PCDHGA5: variants seen among roughly 807,000 people sequenced by gnomAD.
PCDHGA5 encodes protocadherin gamma-A5.
Under a neutral mutation model 56.7 loss-of-function variants are expected in PCDHGA5, and 36 were observed. The ratio of observed to expected loss-of-function variants is 0.64; its 90% confidence interval spans 0.49 to 0.84. PCDHGA5 has a LOEUF of 0.84. Ranked by LOEUF, PCDHGA5 falls within the 40% of genes least tolerant of loss-of-function variation. The pLI, the probability that PCDHGA5 is intolerant of heterozygous loss-of-function variation, is 0.00. For missense variants in PCDHGA5, 1,305 were observed against 1,201.5 expected, an observed-to-expected ratio of 1.09 and a Z score of -1.27; for synonymous variants, 563 against 520.2, an observed-to-expected ratio of 1.08 and a Z score of -1.12.
In PCDHGA5 at chr5:141,476,065, G is replaced by T; in HGVS notation, c.2422-18742G>T. ...GCTAACCCGCTGAAAGTTTCTCAGC[G>T]AAATCTCAGGGACGATCTGGACCCC... is the stretch of plus-strand genomic sequence containing the variant. On this transcript the variant is annotated intron_variant, in intron 1 of 3. Coordinates refer to ENST00000518069, the MANE Select transcript of PCDHGA5 (RefSeq NM_018918.3). This position sits in a 1 kb window ranked among gnomAD's most constrained non-coding sequence, Gnocchi z 7.6. 6.6e-7 allele frequency: 1 copy of T among 1,511,444 alleles called. No homozygotes were observed. The highest frequency in any genetic ancestry group is 1.3e-5 in the South Asian group (1 of 76,164). The allele number at this position is 1,511,444 out of a possible 1,614,324, so 93.6% of individuals were successfully genotyped here.
chr5:141,395,177 T>A (rs1325466781), intron 1 of PCDHGA5: 1 of 1,614,120 alleles, frequency 6.2e-7, no homozygotes, highest in Non-Finnish European at 8.5e-7. Context: ...GTGAGAAAAA[T>A]GATTCTTTGT....
At chr5:141,389,394 T>C (rs753490190) in intron 1 of PCDHGA5, 2 of 1,613,672 alleles carry the variant, frequency 1.2e-6, no homozygotes, top group South Asian at 2.2e-5. Flanking sequence ...ATCCTACGTG[T>C]CCATAAGCGC....
chr5:141,478,878 T>C (rs946127535), intron 1 of PCDHGA5: 8 of 1,250,076 alleles, frequency 6.4e-6, no homozygotes, highest in Non-Finnish European at 8.6e-6. Context: ...GAGTTTAGCT[T>C]GGTATCATTT....
At chr5:141,445,342 T>C (rs1026595756) in intron 1 of PCDHGA5, among the ~76,000 whole-genome samples, 4 of 152,202 alleles carry the variant, frequency 2.6e-5, no homozygotes, top group African/African-American at 9.6e-5. Flanking sequence ...ACAGTAAACA[T>C]TGGTGTCTGC....
At chr5:141,376,522 G>T in intron 1 of PCDHGA5, 1 of 1,613,784 alleles carries the variant, frequency 6.2e-7, no homozygotes, top group Non-Finnish European at 8.5e-7. Context: ...GTTTCTTTCC[G>T]CCTAAGCGGG....
chr5:141,392,713 G>A, intron 1 of PCDHGA5: 3 of 1,363,444 alleles, frequency 2.2e-6, no homozygotes, highest in Non-Finnish European at 2.9e-6. Context: ...AGGCACTCCA[G>A]GTTTCCGGAG....
In PCDHGA5 at chr5:141,418,027, T is replaced by C. The variant is rs536104184; in HGVS notation, c.2421+51276T>C. On this transcript the variant is annotated intron_variant, in intron 1 of 3. Coordinates refer to ENST00000518069, the MANE Select transcript of PCDHGA5 (RefSeq NM_018918.3). ...GGAACCTCGCTAAGGATCTAGGGCT[T>C]AGTGTCCTGGATGTGTCGGCTCGCG... is the stretch of plus-strand genomic sequence containing the variant. 144 of 1,613,732 alleles carry C rather than the reference T, an allele frequency of 8.9e-5. No homozygotes were observed. The East Asian group carries it at 1.2e-3, about 14-fold the overall frequency.
chr5:141,494,929 GGA>G, intron 2 of PCDHGA5, 64 bp downstream of exon 2: 1 of 1,613,142 alleles, frequency 6.2e-7, no homozygotes, highest in Non-Finnish European at 8.5e-7. Flanking sequence ...TGACGTGGGA[GGA>G]GATGGGGGAG....
At chr5:141,417,932 T>A (rs1398348549) in intron 1 of PCDHGA5, 2 of 1,611,670 alleles carry the variant, frequency 1.2e-6, no homozygotes, top group East Asian at 4.5e-5. Flanking sequence ...GCTGCCTTTG[T>A]TCTACCCCAC....
chr5:141,427,087 A>T, intron 1 of PCDHGA5: 1 of 458,198 alleles, frequency 2.2e-6, no homozygotes, highest in Non-Finnish European at 4.4e-6. Flanking sequence ...ACTGACCAGG[A>T]TGAGGGTGTC....
At chr5:141,496,637 C>T (rs907246032) in intron 2 of PCDHGA5, among the ~76,000 whole-genome samples, 6 of 152,214 alleles carry the variant, frequency 3.9e-5, no homozygotes, top group Non-Finnish European at 7.3e-5. Context: ...GCTTGGGCTG[C>T]CCTTGCCCTT....
intron 1 of PCDHGA5, chr5:141,419,070 T>G: frequency 6.2e-7 from 1 of 1,613,926 alleles, no homozygotes; most frequent in Non-Finnish European, 8.5e-7. Context: ...TACTACAAGC[T>G]AGTAACAGAT....
intron 1 of PCDHGA5, among the ~76,000 whole-genome samples, chr5:141,406,837 CA>C (rs1174898109): frequency 6.6e-6 from 1 of 152,170 alleles, no homozygotes; most frequent in Non-Finnish European, 1.5e-5. Flanking sequence ...ACTTGCATAT[CA>C]GATATAATTT....
intron 1 of PCDHGA5, chr5:141,408,275 T>C: frequency 1.2e-6 from 2 of 1,611,874 alleles, no homozygotes; most frequent in Non-Finnish European, 1.7e-6. Flanking sequence ...GCTGCCTTTG[T>C]TCTACCCCAC....
chr5:141,418,670 G>T (rs767728571), intron 1 of PCDHGA5: 2 of 1,614,042 alleles, frequency 1.2e-6, no homozygotes, highest in Non-Finnish European at 1.7e-6. Context: ...TGACCAGGAC[G>T]AGGGCATCAA....
rs2099612736 is a variant in PCDHGA5 at position 141,485,393 on chromosome 5, C to T, written c.2422-9414C>T. The T allele has an allele frequency of 6.2e-7, 1 of 1,614,154 alleles. No homozygotes were observed. The highest frequency in any genetic ancestry group is 1.7e-5 in the Admixed American group (1 of 60,020). ...GGTCGCTGGAGAGGTGAACCAAAGA[C>T]ACTTCCGTGTGGATTTGGACAGCGG... On this transcript the variant is annotated intron_variant, in intron 1 of 3. Coordinates refer to ENST00000518069, the MANE Select transcript of PCDHGA5 (RefSeq NM_018918.3). The surrounding 1 kb of genome is among the most constrained non-coding windows in gnomAD (Gnocchi z 5.7).
At chr5:141,429,164 G>A (rs2097189096) in intron 1 of PCDHGA5, 1 of 131,392 alleles carries the variant, frequency 7.6e-6, no homozygotes, top group African/African-American at 3.1e-5. Flanking sequence ...CGGAGACATT[G>A]TTTATACACA....
intron 1 of PCDHGA5, chr5:141,395,561 T>C (rs1589266253): frequency 8.5e-6 from 2 of 235,114 alleles, no homozygotes; most frequent in East Asian, 1.7e-4. Context: ...TGTGTGTGTG[T>C]GTGTGTGTGT....
At chr5:141,498,137 G>T (rs1319960274) in intron 2 of PCDHGA5, among the ~76,000 whole-genome samples, 1 of 152,204 alleles carries the variant, frequency 6.6e-6, no homozygotes, top group Non-Finnish European at 1.5e-5. Context: ...GGAGCAGGAG[G>T]ACATCCTGGA....
Sources: allele counts gnomAD v4.1 joint callset (sites outside exome capture counted in the v4.1 genomes callset), GRCh38; gene constraint gnomAD v4.1.1; non-coding constraint Gnocchi (gnomAD v3.1); transcripts MANE v1.5; gene names NCBI Gene and HGNC (gene_info 2026-07-23, HGNC 2026-07-21).